Variants in CCDC92 observed in about 807,000 individuals in gnomAD.
CCDC92 encodes coiled-coil domain containing 92, also known as coiled-coil domain-containing protein 92.
CCDC92 carries 12 observed loss-of-function variants against 24.9 expected under a neutral mutation model. The observed-to-expected ratio is 0.48, with a 90% CI of 0.31 to 0.78. The LOEUF (loss-of-function observed/expected upper bound fraction) is 0.78. Ranked by LOEUF, CCDC92 falls within the 30% of genes least tolerant of loss-of-function variation. The probability of loss-of-function intolerance (pLI) is 0.05; values close to 1 mark genes in which losing one functional copy is unlikely to be tolerated. For missense variants in CCDC92, 399 were observed against 439.4 expected (o/e 0.91, Z 0.82); for synonymous variants, 193 against 196.3 (o/e 0.98, Z 0.14).
intron 1 of CCDC92, among the ~76,000 whole-genome samples, chr12:123,965,896 A>G (rs1956381055): frequency 6.6e-6 from 1 of 152,252 alleles, no homozygotes; most frequent in Non-Finnish European, 1.5e-5. Context: ...GGAAGTAGCC[A>G]TAAAGACAAC....
chr12:123,972,398 A>C (rs998752648), intron 1 of CCDC92, 131 bp downstream of exon 1: 1 of 151,632 alleles, frequency 6.6e-6, no homozygotes, highest in Non-Finnish European at 1.5e-5. Flanking sequence ...CCCGGCGGGG[A>C]GGGTTTTTAA....
rs1430667576 is a variant in CCDC92 at position 123,944,119 on chromosome 12, TGA to T, written c.34+151_34+152del. On this transcript the variant is annotated intron_variant, in intron 2 of 4. Transcript: ENST00000238156. ...GGAAGCCCCCTGCACTTCACAGCAC[TGA>T]GAGGAGCCACAGATCCTTCTTGGGA... is the stretch of plus-strand genomic sequence containing the variant. The T allele has an allele frequency of 9.3e-6, 6 of 647,406 alleles. No homozygotes were observed. The Admixed American group carries it at 1.5e-4, about 16-fold the overall frequency. 40.1% of individuals were successfully genotyped at this position (647,406 alleles called of 1,614,324 possible). A position where few individuals can be genotyped will look rare whatever the true frequency, so the allele number is the denominator to read the frequency against.
At chr12:123,961,612 T>C (rs1956273422) in intron 1 of CCDC92, among the ~76,000 whole-genome samples, 1 of 152,326 alleles carries the variant, frequency 6.6e-6, no homozygotes, top group East Asian at 1.9e-4. Flanking sequence ...TTTTACTCAA[T>C]AGAGGCAAAA....
chr12:123,940,913 G>A (rs1401523094), intron 4 of CCDC92, among the ~76,000 whole-genome samples: 1 of 151,542 alleles, frequency 6.6e-6, no homozygotes, highest in Non-Finnish European at 1.5e-5. Context: ...ACTGGGAGGG[G>A]AGACGCCCCG....
chr12:123,956,751 G>T (rs1956158444), intron 1 of CCDC92, among the ~76,000 whole-genome samples: 1 of 152,194 alleles, frequency 6.6e-6, no homozygotes, highest in Non-Finnish European at 1.5e-5. Context: ...ACCAAATTTT[G>T]ATCATCGTAG....
intron 2 of CCDC92, chr12:123,943,752 ATGAG>A: frequency 1.8e-6 from 1 of 552,546 alleles, no homozygotes; most frequent in Non-Finnish European, 3.2e-6. Context: ...TGGCACATGA[ATGAG>A]TGAGGCCCAC....
chr12:123,963,583 A>C (rs1386909980), intron 1 of CCDC92, among the ~76,000 whole-genome samples: 1 of 152,200 alleles, frequency 6.6e-6, no homozygotes, highest in Non-Finnish European at 1.5e-5. Context: ...CAAATTGCCT[A>C]AGAATGTAGT....
At chr12:123,952,122 G>T (rs988160313) in intron 1 of CCDC92, among the ~76,000 whole-genome samples, 1 of 152,170 alleles carries the variant, frequency 6.6e-6, no homozygotes, top group African/African-American at 2.4e-5. Context: ...CAACCAGGAC[G>T]GGCCTGGCAT....
At chr12:123,951,348 A>G (rs766984411) in intron 1 of CCDC92, among the ~76,000 whole-genome samples, 14 of 152,216 alleles carry the variant, frequency 9.2e-5, no homozygotes, top group Non-Finnish European at 1.3e-4. Context: ...AAGAAATGGA[A>G]TATCTTCGGT....
chr12:123,939,645 G>A (rs1484886720), intron 4 of CCDC92, among the ~76,000 whole-genome samples: 1 of 152,246 alleles, frequency 6.6e-6, no homozygotes, highest in Non-Finnish European at 1.5e-5. Context: ...GTGTGTGTAT[G>A]TGCAGGTATA....
At chr12:123,969,287 C>T (rs1242165708) in intron 1 of CCDC92, among the ~76,000 whole-genome samples, 5 of 152,024 alleles carry the variant, frequency 3.3e-5, no homozygotes, top group Non-Finnish European at 7.4e-5. Context: ...CTTCAGCTGC[C>T]AGCATATTTT....
rs117266725 is a variant in CCDC92, at chr12:123,936,016, T to G, written c.*1042A>C. 5.9e-3 allele frequency: 902 copies of G among 153,182 alleles called. 3 individuals are homozygous for G. The highest frequency in any genetic ancestry group is 0.01 in the Non-Finnish European group (689 of 68,686). 9.5% of individuals were successfully genotyped at this position (153,182 alleles called of 1,614,324 possible). A position where few individuals can be genotyped will look rare whatever the true frequency, so the allele number is the denominator to read the frequency against. ...ACTGTGAAGTTGTTGAGCTTAGTGT[T>G]TAGTTCCTGCATGAGCTTCTACCCC... On this transcript the variant is annotated 3_prime_UTR_variant, in exon 5 of 5. Coordinates refer to ENST00000238156, the MANE Select transcript of CCDC92 (RefSeq NM_025140.3).
At chr12:123,958,138 C>G (rs1205687453) in intron 1 of CCDC92, among the ~76,000 whole-genome samples, 1 of 152,178 alleles carries the variant, frequency 6.6e-6, no homozygotes, top group Admixed American at 6.5e-5. Context: ...ACCACAACCT[C>G]TGCCTCTCGA....
intron 4 of CCDC92, among the ~76,000 whole-genome samples, chr12:123,942,408 C>G (rs1024872990): frequency 6.6e-6 from 1 of 152,244 alleles, no homozygotes; most frequent in Admixed American, 6.5e-5. Flanking sequence ...GCTGTTACTC[C>G]TCCTTTTGGG....
Position 123,936,994 on chromosome 12 carries a change from G to A in CCDC92, c.*64C>T. 2.5e-6 allele frequency: 4 copies of A among 1,571,660 alleles called. No individual in the cohort carries two copies. Among genetic ancestry groups the A allele is most frequent in the Non-Finnish European group, 3.5e-6 (4 of 1,149,808 alleles). On this transcript the variant is annotated 3_prime_UTR_variant, in exon 5 of 5. Transcript: ENST00000238156. Reference sequence around the variant, plus strand: ...ATGCATGGGATTAAACAGAAAAGGTGTGGCTGAGATTTCCCAGTGGTGCTC... The same window carrying A: ...ATGCATGGGATTAAACAGAAAAGGTATGGCTGAGATTTCCCAGTGGTGCTC...
At chr12:123,957,102 A>G (rs1341456169) in intron 1 of CCDC92, among the ~76,000 whole-genome samples, 2 of 152,184 alleles carry the variant, frequency 1.3e-5, no homozygotes, top group East Asian at 3.9e-4. Flanking sequence ...TCCTTGGTTC[A>G]TGACACACTC....
rs140457729 is a variant in CCDC92, at chr12:123,964,022, G to C, written c.-60+8507C>G. Among the ~76,000 whole-genome samples the C allele has an allele frequency of 1.7e-4, 26 of 152,232 alleles. No homozygotes were observed. In the East Asian group the frequency reaches 4.2e-3, roughly 25 times the overall value. On this transcript the variant is annotated intron_variant, in intron 1 of 4. Transcript: ENST00000238156. ...CCAGGCGGGAGAAATGAAAGTACAGGTTCCATGGTCACCAGGAAACCCTGT... is the reference window on the plus strand; with the variant it reads ...CCAGGCGGGAGAAATGAAAGTACAGCTTCCATGGTCACCAGGAAACCCTGT...
intron 1 of CCDC92, among the ~76,000 whole-genome samples, chr12:123,960,474 C>G (rs11057404): frequency 0.022 from 3,424 of 152,340 alleles, 64 homozygotes; most frequent in Non-Finnish European, 0.036. Flanking sequence ...TTCTCTGGTG[C>G]AGCTTACTGA....
At position 123,939,853 on chromosome 12, in the gene CCDC92, G is replaced by A. The variant is rs148813610; in HGVS notation, c.224-2023C>T. Among the ~76,000 whole-genome samples the A allele has an allele frequency of 4.4e-3, 664 of 152,330 alleles. 5 individuals carry two copies. The highest frequency in any genetic ancestry group is 0.015 in the African/African-American group (634 of 41,588). ...GGGCTGAACCCCTGCAACCTGAAAT[G>A]CTGACCTGGGCACGGCATTGGGCCT... On this transcript the variant is annotated intron_variant, in intron 4 of 4. Coordinates refer to ENST00000238156, the MANE Select transcript of CCDC92 (RefSeq NM_025140.3).
Sources: gnomAD v4.1 joint callset for allele counts (sites outside exome capture counted in the v4.1 genomes callset) on GRCh38, gnomAD v4.1.1 for gene constraint, MANE v1.5 for transcripts, NCBI Gene and HGNC (gene_info 2026-07-23, HGNC 2026-07-21) for gene names.